The following ZNF385D variants were observed in gnomAD, a reference collection of about 807,000 sequenced individuals.
The protein encoded by ZNF385D is zinc finger protein 385D.
Under a neutral mutation model 35.8 loss-of-function variants are expected in ZNF385D, and 15 were observed. That is an observed-to-expected ratio of 0.42 (90% CI 0.28 to 0.64). ZNF385D has a LOEUF of 0.64. ZNF385D is among the 30% of genes least tolerant of loss of function. ZNF385D has a pLI of 0.23. For missense variants in ZNF385D, 474 were observed against 494.6 expected (o/e 0.96, Z 0.39); for synonymous variants, 212 against 186.8 (o/e 1.13, Z -1.10).
chr3:21,698,533 C>T (rs977134016), intron 1 of ZNF385D, among the ~76,000 whole-genome samples: 8 of 152,038 alleles, frequency 5.3e-5, no homozygotes, highest in African/African-American at 1.9e-4. Context: ...GATGGATACA[C>T]TAGAATCTCA....
intron 3 of ZNF385D, among the ~76,000 whole-genome samples, chr3:21,790,515 A>C (rs1457232532): frequency 1.3e-5 from 2 of 152,142 alleles, no homozygotes; most frequent in Non-Finnish European, 2.9e-5. Context: ...AAAATGAAAA[A>C]AGATTACTGA....
intron 2 of ZNF385D, among the ~76,000 whole-genome samples, chr3:22,192,089 C>G (rs141925649): frequency 6.6e-6 from 1 of 152,250 alleles, no homozygotes; most frequent in East Asian, 1.9e-4. Flanking sequence ...ATTCTTTCAA[C>G]GATAGTGCCC....
At chr3:21,629,389 T>C (rs928063106) in intron 2 of ZNF385D, among the ~76,000 whole-genome samples, 1 of 152,122 alleles carries the variant, frequency 6.6e-6, no homozygotes, top group Non-Finnish European at 1.5e-5. Context: ...TCTCCAGGCT[T>C]ATTTGTCTAT....
chr3:21,965,303 G>T (rs1702853881), intron 3 of ZNF385D, among the ~76,000 whole-genome samples: 1 of 152,124 alleles, frequency 6.6e-6, no homozygotes, highest in South Asian at 2.1e-4. Flanking sequence ...CCACATATTG[G>T]TATGTGTCTA....
intron 3 of ZNF385D, among the ~76,000 whole-genome samples, chr3:21,886,723 A>C (rs922565837): frequency 6.6e-6 from 1 of 152,136 alleles, no homozygotes; most frequent in Non-Finnish European, 1.5e-5. Flanking sequence ...ACATTTGCCA[A>C]AGAGAATTAT....
chr3:21,845,848 A>C (rs1695972824), intron 3 of ZNF385D, among the ~76,000 whole-genome samples: 1 of 152,050 alleles, frequency 6.6e-6, no homozygotes, highest in Non-Finnish European at 1.5e-5. Flanking sequence ...TCAGATTAAG[A>C]AAATACGCCT....
intron 3 of ZNF385D, among the ~76,000 whole-genome samples, chr3:21,536,100 T>C (rs890880468): frequency 1.0e-4 from 15 of 146,652 alleles, no homozygotes; most frequent in Admixed American, 9.9e-4. Context: ...TTCTTAATGA[T>C]TAAACAGTAA....
intron 2 of ZNF385D, among the ~76,000 whole-genome samples, chr3:21,620,960 C>T (rs1016884524): frequency 6.6e-6 from 1 of 152,048 alleles, no homozygotes; most frequent in African/African-American, 2.4e-5. Flanking sequence ...TGCCTGTGTG[C>T]TTATACTGTG....
intron 3 of ZNF385D, among the ~76,000 whole-genome samples, chr3:22,083,542 A>T (rs574629470): frequency 6.6e-5 from 10 of 152,218 alleles, no homozygotes; most frequent in Non-Finnish European, 1.3e-4. Context: ...AAAAAGAGTA[A>T]AAATAAATGA....
At chr3:21,697,098 C>T (rs1559527927) in intron 1 of ZNF385D, among the ~76,000 whole-genome samples, 1 of 152,148 alleles carries the variant, frequency 6.6e-6, no homozygotes. Flanking sequence ...AATCCATTAA[C>T]TGGCTGTGTG....
At position 21,983,953 on chromosome 3, in the gene ZNF385D, T is replaced by C. The variant is rs948420874; in HGVS notation, c.325+184864A>G. Among the ~76,000 whole-genome samples the C allele has an allele frequency of 3.2e-4, 44 of 137,098 alleles. 1 individual carries two copies. Among genetic ancestry groups the C allele is most frequent in the Admixed American group, 1.9e-3 (26 of 13,444 alleles). The allele number at this position is 137,098 out of a possible 152,430, so 89.9% of individuals were successfully genotyped here. On this transcript the variant is annotated intron_variant, in intron 3 of 5. Coordinates refer to the ZNF385D transcript ENST00000494108. ...TTTTTTCATGTGTTTTTTGGCTGCA[T>C]AAATGTCTTCTTTTGAGAAGTGTCT...
intron 2 of ZNF385D, among the ~76,000 whole-genome samples, chr3:22,350,862 A>C (rs2125496464): frequency 6.6e-6 from 1 of 152,250 alleles, no homozygotes; most frequent in South Asian, 2.1e-4. Flanking sequence ...CATGGCAGGC[A>C]TACCTTAAAC....
intron 2 of ZNF385D, among the ~76,000 whole-genome samples, chr3:21,596,958 C>G (rs2064145061): frequency 6.6e-6 from 1 of 151,912 alleles, no homozygotes; most frequent in Non-Finnish European, 1.5e-5. Context: ...ACTAATTCAG[C>G]CTAAGAATGC....
intron 1 of ZNF385D, among the ~76,000 whole-genome samples, chr3:21,672,413 G>A (rs181836927): frequency 1.3e-5 from 2 of 151,968 alleles, no homozygotes; most frequent in African/African-American, 2.4e-5. Context: ...TGAAACTCAA[G>A]GTCTGATCCC....
At chr3:21,664,133 C>G (rs1024865949) in intron 2 of ZNF385D, among the ~76,000 whole-genome samples, 1 of 149,830 alleles carries the variant, frequency 6.7e-6, no homozygotes, top group Non-Finnish European at 1.5e-5. Context: ...AAGTCACTTA[C>G]TCGTTTCTAA....
chr3:22,209,755 G>C, intron 2 of ZNF385D, among the ~76,000 whole-genome samples: 1 of 35,740 alleles, frequency 2.8e-5, no homozygotes, highest in East Asian at 7.4e-4. Flanking sequence ...GATTTTAAAA[G>C]AACAATCATT....
At chr3:22,264,120 C>A (rs1700773903) in intron 2 of ZNF385D, among the ~76,000 whole-genome samples, 1 of 151,832 alleles carries the variant, frequency 6.6e-6, no homozygotes, top group South Asian at 2.1e-4. Flanking sequence ...GGGCATAAGG[C>A]TGGAAGAATT....
chr3:22,079,996 G>A (rs1305414010), intron 3 of ZNF385D, among the ~76,000 whole-genome samples: 1 of 151,968 alleles, frequency 6.6e-6, no homozygotes, highest in East Asian at 1.9e-4. Context: ...TTAAATATAT[G>A]TTCAGAGAAA....
intron 3 of ZNF385D, among the ~76,000 whole-genome samples, chr3:21,991,177 A>G (rs968680904): frequency 4.6e-5 from 7 of 152,218 alleles, no homozygotes; most frequent in Non-Finnish European, 8.8e-5. Context: ...GTTTGGTTCC[A>G]TAAGCAAACT....
Sources: gnomAD v4.1 joint callset for allele counts (sites outside exome capture counted in the v4.1 genomes callset) on GRCh38, gnomAD v4.1.1 for gene constraint, MANE v1.5 for transcripts, NCBI Gene and HGNC (gene_info 2026-07-23, HGNC 2026-07-21) for gene names.